MARK4: variants seen among roughly 807,000 people sequenced by gnomAD.
The protein encoded by MARK4 is MAP/microtubule affinity-regulating kinase 4.
In MARK4, 19 loss-of-function variants were observed where a neutral mutation model predicts 81.5. That is an observed-to-expected ratio of 0.23 (90% confidence interval 0.16 to 0.34). MARK4 has a LOEUF of 0.34. Ranked by LOEUF, MARK4 falls within the 10% of genes least tolerant of loss-of-function variation. The pLI, the probability that MARK4 is intolerant of heterozygous loss-of-function variation, is 1.00. For missense variants in MARK4, 772 were observed against 1,058.8 expected (o/e 0.73, Z 3.76); for synonymous variants, 436 against 439.0 (o/e 0.99, Z 0.08).
chr19:45,289,186 G>A (rs530175957), intron 13 of MARK4, among the ~76,000 whole-genome samples: 3 of 151,838 alleles, frequency 2.0e-5, no homozygotes, highest in Non-Finnish European at 2.9e-5. Flanking sequence ...TCAAGAGATC[G>A]AGACCACCTG....
At chr19:45,277,185 C>T (rs1417039993) in intron 8 of MARK4, among the ~76,000 whole-genome samples, 1 of 152,094 alleles carries the variant, frequency 6.6e-6, no homozygotes, top group Non-Finnish European at 1.5e-5. Context: ...TTAAGTGATT[C>T]TCGTGCCTCA....
At chr19:45,268,373 C>T (rs1178801035) in intron 7 of MARK4, among the ~76,000 whole-genome samples, 1 of 151,988 alleles carries the variant, frequency 6.6e-6, no homozygotes, top group African/African-American at 2.4e-5. Context: ...CACTGGAGGC[C>T]AGGAGTTCAA....
At chr19:45,273,257 A>C (rs961700481) in intron 8 of MARK4, among the ~76,000 whole-genome samples, 2 of 152,136 alleles carry the variant, frequency 1.3e-5, no homozygotes, top group Non-Finnish European at 2.9e-5. Context: ...GCCTGTGTCC[A>C]CATTTGCTCT....
intron 12 of MARK4, among the ~76,000 whole-genome samples, chr19:45,282,172 G>A (rs962662964): frequency 2.0e-5 from 3 of 150,118 alleles, no homozygotes; most frequent in Non-Finnish European, 3.0e-5. Context: ...GCAGTGAGCC[G>A]AGATCATGCC....
At chr19:45,270,779 TG>T (rs1381181470) in intron 7 of MARK4, among the ~76,000 whole-genome samples, 2 of 152,188 alleles carry the variant, frequency 1.3e-5, no homozygotes, top group African/African-American at 2.4e-5. Flanking sequence ...TTTATCTTTA[TG>T]TTTTTTTGAG....
intron 7 of MARK4, among the ~76,000 whole-genome samples, chr19:45,269,548 G>A (rs1310312325): frequency 1.3e-5 from 2 of 152,136 alleles, no homozygotes; most frequent in Non-Finnish European, 2.9e-5. Context: ...GACCTGGGAG[G>A]AAGCCAGGGA....
Position 45,287,440 on chromosome 19 carries a change from C to T in MARK4, c.1277-7C>T, listed in dbSNP as rs1212233703. 1.4e-6 allele frequency: 2 copies of T among 1,423,880 alleles called. No homozygotes were observed. The highest frequency in any genetic ancestry group is 1.9e-6 in the Non-Finnish European group (2 of 1,080,876). 88.2% of individuals were successfully genotyped at this position (1,423,880 alleles called of 1,614,324 possible). On this transcript the variant is annotated splice_region_variant and splice_polypyrimidine_tract_variant and intron_variant, in intron 12 of 16. Coordinates refer to ENST00000262891, the MANE Select transcript of MARK4 (RefSeq NM_001199867.2). ...ATGCCAGCTCTAAACGGTACCCCCT[C>T]CCCCAGGTGGCCCATCCCCTGCACC...
chr19:45,258,931 C>T (rs1970344145), intron 1 of MARK4, 58 bp from the exon 2 acceptor site: 1 of 1,572,650 alleles, frequency 6.4e-7, no homozygotes, highest in African/African-American at 1.3e-5. Flanking sequence ...AGTGCACTAG[C>T]CCACGGGTTC....
intron 8 of MARK4, among the ~76,000 whole-genome samples, chr19:45,275,783 G>T (rs1435307392): frequency 6.6e-6 from 1 of 152,224 alleles, no homozygotes; most frequent in African/African-American, 2.4e-5. Flanking sequence ...GGGCTTCGCG[G>T]CGTTGTGAAA....
intron 13 of MARK4, among the ~76,000 whole-genome samples, chr19:45,292,381 C>T (rs193267596): frequency 1.1e-4 from 17 of 152,310 alleles, no homozygotes; most frequent in Admixed American, 9.8e-4. Context: ...CAAGTAACTT[C>T]ACCTCTCTGA....
intron 2 of MARK4, among the ~76,000 whole-genome samples, chr19:45,259,925 A>G (rs889840252): frequency 1.3e-5 from 2 of 151,760 alleles, no homozygotes; most frequent in Non-Finnish European, 2.9e-5. Context: ...TGTCTCTATT[A>G]AAAATACAAA....
chr19:45,259,341 T>G (rs1970351626), intron 2 of MARK4, 152 bp downstream of exon 2: 3 of 828,536 alleles, frequency 3.6e-6, no homozygotes, highest in Non-Finnish European at 5.5e-6. Context: ...ATATCTCTGA[T>G]GTTCCCAGAA....
chr19:45,260,568 G>A (rs989004508), intron 2 of MARK4, among the ~76,000 whole-genome samples: 2 of 151,780 alleles, frequency 1.3e-5, no homozygotes, highest in East Asian at 1.9e-4. Flanking sequence ...GTGGTGGTGC[G>A]TGCCTGTAAG....
chr19:45,275,981 C>G (rs1970592529), intron 8 of MARK4, among the ~76,000 whole-genome samples: 3 of 152,118 alleles, frequency 2.0e-5, no homozygotes, highest in African/African-American at 4.8e-5. Context: ...CTGTTCACCC[C>G]CAACGCTCAA....
intron 16 of MARK4, 66 bp downstream of exon 16, chr19:45,299,921 A>G: frequency 6.7e-7 from 1 of 1,488,518 alleles, no homozygotes; most frequent in Non-Finnish European, 9.1e-7. Context: ...CCCGACACTT[A>G]CCCCAGGGCA....
chr19:45,258,200 T>A (rs1568489728), intron 1 of MARK4, among the ~76,000 whole-genome samples: 1 of 151,820 alleles, frequency 6.6e-6, no homozygotes, highest in Non-Finnish European at 1.5e-5. Flanking sequence ...TTGGCCAGGC[T>A]GGTCTCGAAC....
chr19:45,280,306 AAAAAG>A lies in MARK4; in HGVS notation c.1007-66_1007-62del, dbSNP rs1445860311. 142 of 1,437,528 alleles carry A rather than the reference AAAAAG, an allele frequency of 9.9e-5. 2 individuals carry two copies. In the Middle Eastern group the frequency reaches 1.0e-3, roughly 10 times the overall value. The allele number at this position is 1,437,528 out of a possible 1,614,324, so 89.0% of individuals were successfully genotyped here. On this transcript the variant is annotated intron_variant, in intron 10 of 16. Transcript: ENST00000262891. ...GACAGAGTGACACCCTGTCTCAAAA[AAAAAG>A]AGAAATGGATGGAAGTTAAAGTTTC...
chr19:45,299,768 C>T, intron 15 of MARK4, 43 bp from the exon 16 acceptor site: 1 of 1,545,310 alleles, frequency 6.5e-7, no homozygotes, highest in Non-Finnish European at 8.8e-7. Flanking sequence ...AGGTGGGTTC[C>T]CTATGTCCAG....
chr19:45,265,146 G>T (rs939170620), intron 6 of MARK4, among the ~76,000 whole-genome samples: 2 of 152,202 alleles, frequency 1.3e-5, no homozygotes, highest in Non-Finnish European at 2.9e-5. Flanking sequence ...GCATGAAGGC[G>T]CCCCGGTGGG....
Sources: gnomAD v4.1 joint callset for allele counts (sites outside exome capture counted in the v4.1 genomes callset) on GRCh38, gnomAD v4.1.1 for gene constraint, MANE v1.5 for transcripts, NCBI Gene and HGNC (gene_info 2026-07-23, HGNC 2026-07-21) for gene names.